Variants in DDC observed in about 807,000 individuals in gnomAD.
The protein encoded by DDC is dopa decarboxylase.
DDC carries 43 observed loss-of-function variants against 60.0 expected under a neutral mutation model. That is an observed-to-expected ratio of 0.72 (90% CI 0.56 to 0.92). The LOEUF (loss-of-function observed/expected upper bound fraction) is 0.92. Among genes scored for constraint, DDC ranks in the 40% least tolerant of loss-of-function variants. DDC has a pLI of 0.00. For synonymous variants in DDC, 232 were observed against 234.6 expected (o/e 0.99, Z 0.10); for missense variants, 573 against 620.2 (o/e 0.92, Z 0.81).
chr7:50,461,906 T>C (rs542040832), intron 14 of DDC, among the ~76,000 whole-genome samples: 9 of 152,302 alleles, frequency 5.9e-5, no homozygotes, highest in Admixed American at 5.9e-4. Context: ...GACCTGGTTC[T>C]CAGGGCACAT....
chr7:50,470,580 G>A (rs1056548038), intron 11 of DDC, among the ~76,000 whole-genome samples: 5 of 152,206 alleles, frequency 3.3e-5, no homozygotes, highest in South Asian at 2.1e-4. Context: ...CCTTGCCTAC[G>A]AGGAAGGAGG....
Position 50,526,623 on chromosome 7 carries a change from A to G in DDC, c.714+1514T>C, listed in dbSNP as rs187185675. 5.3e-3 allele frequency among the ~76,000 whole-genome samples: 808 copies of G among 152,372 alleles called. 5 individuals are homozygous for G. The highest frequency in any genetic ancestry group is 6.4e-3 in the Non-Finnish European group (435 of 68,030). Reference sequence around the variant, plus strand: ...CAGCAGATAACATTTAAATGTATCAATAACTACCTTGAGTGTAAATGAACA... The same window carrying G: ...CAGCAGATAACATTTAAATGTATCAGTAACTACCTTGAGTGTAAATGAACA... On this transcript the variant is annotated intron_variant, in intron 6 of 14. Coordinates refer to ENST00000444124, the MANE Select transcript of DDC (RefSeq NM_001082971.2).
At chr7:50,522,580 T>C (rs2043922432) in intron 6 of DDC, among the ~76,000 whole-genome samples, 1 of 151,910 alleles carries the variant, frequency 6.6e-6, no homozygotes, top group Non-Finnish European at 1.5e-5. Flanking sequence ...AATAAATGAG[T>C]TGAACAGAAA....
At chr7:50,526,116 T>C (rs140448689) in intron 6 of DDC, among the ~76,000 whole-genome samples, 1 of 152,040 alleles carries the variant, frequency 6.6e-6, no homozygotes, top group East Asian at 1.9e-4. Context: ...GAAGAGTAAA[T>C]AAAAAGAAAA....
chr7:50,498,052 G>C (rs1441658184), intron 8 of DDC, among the ~76,000 whole-genome samples: 1 of 152,140 alleles, frequency 6.6e-6, no homozygotes, highest in Non-Finnish European at 1.5e-5. Context: ...AATCACAAAA[G>C]CACCTAATGC....
intron 1 of DDC, among the ~76,000 whole-genome samples, chr7:50,551,485 A>G (rs940698712): frequency 1.3e-5 from 2 of 152,012 alleles, no homozygotes; most frequent in Non-Finnish European, 2.9e-5. Context: ...CACCCGCCTC[A>G]GCCTCCCAAA....
At chr7:50,537,037 G>GTTGT (rs2044436271) in intron 4 of DDC, among the ~76,000 whole-genome samples, 1 of 140,364 alleles carries the variant, frequency 7.1e-6, no homozygotes, top group Non-Finnish European at 1.5e-5. Context: ...CTAGGAAGTT[G>GTTGT]TTTTTTTTTT....
At chr7:50,515,157 C>G (rs974624230) in intron 6 of DDC, among the ~76,000 whole-genome samples, 8 of 152,186 alleles carry the variant, frequency 5.3e-5, no homozygotes, top group Admixed American at 2.0e-4. Flanking sequence ...AGCTGTGAGA[C>G]AGAAGCACCA....
At chr7:50,478,137 T>C (rs2042689168) in intron 10 of DDC, among the ~76,000 whole-genome samples, 1 of 151,840 alleles carries the variant, frequency 6.6e-6, no homozygotes. Flanking sequence ...CACTTGAGCC[T>C]GGGAGGTGGA....
At chr7:50,505,206 C>T (rs1023768809) in intron 6 of DDC, among the ~76,000 whole-genome samples, 13 of 152,246 alleles carry the variant, frequency 8.5e-5, no homozygotes, top group Admixed American at 6.5e-4. Context: ...GGGACCCTGT[C>T]TCATTGTTTT....
chr7:50,529,200 A>T lies in DDC; in HGVS notation c.570+8T>A. The T allele has an allele frequency of 1.9e-5, 31 of 1,612,878 alleles. No homozygotes were observed. Among genetic ancestry groups the T allele is most frequent in the Non-Finnish European group, 2.6e-5 (31 of 1,179,948 alleles). On this transcript the variant is annotated splice_region_variant and intron_variant, in intron 5 of 14. Coordinates refer to ENST00000444124, the MANE Select transcript of DDC (RefSeq NM_001082971.2). ...AAGTCTTGGCTGATACCCCCACAAC[A>T]CACTCACCTGATCGGATGAGTAAGC...
At chr7:50,482,048 C>A (rs1186948104) in intron 9 of DDC, among the ~76,000 whole-genome samples, 1 of 152,222 alleles carries the variant, frequency 6.6e-6, no homozygotes, top group Non-Finnish European at 1.5e-5. Flanking sequence ...TGTGCATACT[C>A]CTGGAGCCCC....
rs371272735 is a variant in DDC, at chr7:50,543,931, G to A, written c.155C>T (p.Thr52Met). 10 of 1,614,004 alleles carry A rather than the reference G, an allele frequency of 6.2e-6. 1 individual carries two copies. Among genetic ancestry groups the A allele is most frequent in the South Asian group, 3.3e-5 (3 of 91,080 alleles). ...AACGTCGTTGATGATGTCCTCAAACGTGTCTGGCTCCTGAGGGGCAGCGGC... is the reference window on the plus strand; with the variant it reads ...AACGTCGTTGATGATGTCCTCAAACATGTCTGGCTCCTGAGGGGCAGCGGC... ...IPAAAPQEPDTFEDIINDVEK... is the reference protein window; with the variant it reads ...IPAAAPQEPDMFEDIINDVEK... Residue 52 changes from threonine to methionine, a missense_variant, in exon 2 of 15, where the codon ACG becomes ATG. Physicochemically the swap from Thr to Met is moderately conservative, Grantham distance 81 (BLOSUM62 -1). Coordinates refer to ENST00000444124, the MANE Select transcript of DDC (RefSeq NM_001082971.2).
At chr7:50,511,080 CACACAA>C (rs1282428567) in intron 6 of DDC, among the ~76,000 whole-genome samples, 2 of 144,624 alleles carry the variant, frequency 1.4e-5, no homozygotes, top group Non-Finnish European at 3.0e-5. Context: ...CACACACACA[CACACAA>C]AATAATATAT....
intron 3 of DDC, among the ~76,000 whole-genome samples, chr7:50,538,735 G>A (rs976926057): frequency 6.6e-6 from 1 of 152,242 alleles, no homozygotes; most frequent in African/African-American, 2.4e-5. Flanking sequence ...GACTGTCCCA[G>A]AATGAGCAGA....
intron 6 of DDC, among the ~76,000 whole-genome samples, chr7:50,526,265 G>T (rs1234238213): frequency 6.6e-6 from 1 of 152,018 alleles, no homozygotes; most frequent in Non-Finnish European, 1.5e-5. Context: ...CAGAAATCAT[G>T]GAAGAAAGAA....
At chr7:50,525,416 G>C (rs532473547) in intron 6 of DDC, among the ~76,000 whole-genome samples, 2 of 152,272 alleles carry the variant, frequency 1.3e-5, no homozygotes, top group South Asian at 4.1e-4. Flanking sequence ...GGGTTAGTAC[G>C]CAGAATTTCT....
chr7:50,547,637 T>C (rs1208620740), intron 1 of DDC, among the ~76,000 whole-genome samples: 1 of 148,902 alleles, frequency 6.7e-6, no homozygotes, highest in Admixed American at 6.8e-5. Context: ...ACCCACACAG[T>C]GGGAAGCATT....
intron 7 of DDC, among the ~76,000 whole-genome samples, chr7:50,500,062 T>C (rs1157927114): frequency 6.6e-6 from 1 of 152,112 alleles, no homozygotes; most frequent in Non-Finnish European, 1.5e-5. Flanking sequence ...GTGGCTTCCA[T>C]GGTTGCTGCC....
Sources: allele counts gnomAD v4.1 joint callset (sites outside exome capture counted in the v4.1 genomes callset), GRCh38; gene constraint gnomAD v4.1.1; transcripts MANE v1.5; gene names NCBI Gene and HGNC (gene_info 2026-07-23, HGNC 2026-07-21).